The following DACH1 variants were observed in gnomAD, a reference collection of about 807,000 sequenced individuals.
DACH1 encodes dachshund homolog 1.
In DACH1, 12 loss-of-function variants were observed where a neutral mutation model predicts 54.2. The observed-to-expected ratio is 0.22, with a 90% CI of 0.14 to 0.36. DACH1 has a LOEUF of 0.36. Ranked by LOEUF, DACH1 falls within the 10% of genes least tolerant of loss-of-function variation. DACH1 has a pLI of 1.00. For synonymous variants in DACH1, 386 were observed against 366.2 expected (o/e 1.05, Z -0.62); for missense variants, 805 against 929.8 (o/e 0.87, Z 1.75).
rs985075078 is a variant in DACH1, at chr13:71,779,249, A to T, written c.848+86673T>A. 3.8e-4 allele frequency among the ~76,000 whole-genome samples: 26 copies of T among 69,296 alleles called. 1 individual carries two copies. The highest frequency in any genetic ancestry group is 7.2e-4 in the East Asian group (3 of 4,174). The allele number at this position is 69,296 out of a possible 152,430, so 45.5% of individuals were successfully genotyped here. A position where few individuals can be genotyped will look rare whatever the true frequency, so the allele number is the denominator to read the frequency against. ...TACGTATATATACACATATATACGT[A>T]TATACGTATATATGTGTATATATAC... On this transcript the variant is annotated intron_variant, in intron 1 of 10. Transcript: ENST00000613252.
At chr13:71,865,153 C>T (rs1324538369) in intron 1 of DACH1, among the ~76,000 whole-genome samples, 2 of 152,008 alleles carry the variant, frequency 1.3e-5, no homozygotes, top group African/African-American at 4.8e-5. Flanking sequence ...GCCACCGTAC[C>T]CCTTTATTTC....
At chr13:71,644,346 T>G (rs1332203761) in intron 2 of DACH1, among the ~76,000 whole-genome samples, 1 of 152,174 alleles carries the variant, frequency 6.6e-6, no homozygotes, top group Non-Finnish European at 1.5e-5. Flanking sequence ...AAATGAATGG[T>G]CTATGTGTAG....
chr13:71,807,163 G>A (rs1198657749), intron 1 of DACH1, among the ~76,000 whole-genome samples: 1 of 152,084 alleles, frequency 6.6e-6, no homozygotes, highest in Non-Finnish European at 1.5e-5. Context: ...CCTCATATCA[G>A]CACAAGTAAT....
chr13:71,521,770 AG>A (rs1394040792), intron 6 of DACH1, among the ~76,000 whole-genome samples: 1 of 152,102 alleles, frequency 6.6e-6, no homozygotes, highest in Non-Finnish European at 1.5e-5. Context: ...ACCATACTTA[AG>A]CTTCATGGTT....
At chr13:71,577,827 G>A (rs1374851296) in intron 3 of DACH1, among the ~76,000 whole-genome samples, 3 of 152,092 alleles carry the variant, frequency 2.0e-5, no homozygotes, top group Admixed American at 6.6e-5. Flanking sequence ...GATATTCTTA[G>A]TTTCTCTACT....
chr13:71,637,286 T>C (rs1877558889), intron 2 of DACH1, among the ~76,000 whole-genome samples: 1 of 152,136 alleles, frequency 6.6e-6, no homozygotes, highest in Non-Finnish European at 1.5e-5. Flanking sequence ...TGAAATAACG[T>C]GCAACAGCCT....
intron 1 of DACH1, among the ~76,000 whole-genome samples, chr13:71,860,703 G>T (rs1385416378): frequency 9.9e-5 from 15 of 151,832 alleles, no homozygotes; most frequent in Admixed American, 9.8e-4. Context: ...TGCAGTAGTT[G>T]TTTTCTATGT....
At chr13:71,728,288 G>T (rs1288126849) in intron 1 of DACH1, among the ~76,000 whole-genome samples, 1 of 151,882 alleles carries the variant, frequency 6.6e-6, no homozygotes, top group Non-Finnish European at 1.5e-5. Flanking sequence ...CCAAAACTAT[G>T]ATCATATCTC....
rs553853190 is a variant in DACH1, at chr13:71,754,061, A to G, written c.849-72151T>C. Among the ~76,000 whole-genome samples, 3 of 152,312 alleles carry G rather than the reference A, an allele frequency of 2.0e-5. No homozygotes were observed. The East Asian group carries it at 5.8e-4, about 29-fold the overall frequency. On this transcript the variant is annotated intron_variant, in intron 1 of 10. Transcript: ENST00000613252. ...ATGATTATCTTTTTTAATGTACTCT[A>G]TACATCATCCACTGGAGTATTACTT...
At chr13:71,478,753 ATATCT>A (rs1464346559) in intron 8 of DACH1, among the ~76,000 whole-genome samples, 5 of 152,192 alleles carry the variant, frequency 3.3e-5, no homozygotes, top group African/African-American at 1.2e-4. Context: ...CAGTTGATAA[ATATCT>A]TAGTAAACCT....
intron 1 of DACH1, among the ~76,000 whole-genome samples, chr13:71,796,578 T>C (rs1887060644): frequency 6.6e-6 from 1 of 152,116 alleles, no homozygotes; most frequent in South Asian, 2.1e-4. Flanking sequence ...TCCCAAGGCA[T>C]GTTTATGATA....
intron 1 of DACH1, among the ~76,000 whole-genome samples, chr13:71,735,090 T>TAAACATGTATGGG (rs1883959274): frequency 6.6e-6 from 1 of 150,586 alleles, no homozygotes; most frequent in Non-Finnish European, 1.5e-5. Context: ...GTATATGGGT[T>TAAACATGTATGGG]ATACATATAT....
chr13:71,843,032 G>A (rs2138240687), intron 1 of DACH1, among the ~76,000 whole-genome samples: 1 of 152,182 alleles, frequency 6.6e-6, no homozygotes, highest in East Asian at 1.9e-4. Flanking sequence ...TGAAAAATGT[G>A]TATGGCTTCT....
chr13:71,623,515 T>C (rs1876404404), intron 3 of DACH1, among the ~76,000 whole-genome samples: 2 of 151,764 alleles, frequency 1.3e-5, no homozygotes, highest in South Asian at 4.1e-4. Flanking sequence ...TGTCAATACT[T>C]ATCCATCATA....
intron 1 of DACH1, among the ~76,000 whole-genome samples, chr13:71,742,857 C>T (rs1884455890): frequency 1.3e-5 from 2 of 152,238 alleles, no homozygotes; most frequent in Non-Finnish European, 2.9e-5. Context: ...CTTGTTCCTA[C>T]TCAGCATCTC....
intron 3 of DACH1, among the ~76,000 whole-genome samples, chr13:71,593,999 C>G: frequency 6.6e-6 from 1 of 151,136 alleles, no homozygotes; most frequent in Middle Eastern, 7.1e-3. Flanking sequence ...CCTATATTGA[C>G]CATTTTAAAA....
intron 1 of DACH1, among the ~76,000 whole-genome samples, chr13:71,794,497 G>C (rs1293716291): frequency 6.6e-6 from 1 of 152,120 alleles, no homozygotes; most frequent in African/African-American, 2.4e-5. Flanking sequence ...GGAGTGCAAT[G>C]GCGCAATCTC....
At chr13:71,557,454 A>C (rs2138376751) in intron 5 of DACH1, among the ~76,000 whole-genome samples, 1 of 152,278 alleles carries the variant, frequency 6.6e-6, no homozygotes, top group African/African-American at 2.4e-5. Flanking sequence ...AGAATAATAT[A>C]GTAGAAATTG....
chr13:71,848,629 C>T (rs768118179), intron 1 of DACH1, among the ~76,000 whole-genome samples: 3 of 151,856 alleles, frequency 2.0e-5, no homozygotes, highest in Admixed American at 6.6e-5. Context: ...TGCAGAGCCT[C>T]GACCTCCAAG....
Sources: gnomAD v4.1 joint callset for allele counts (sites outside exome capture counted in the v4.1 genomes callset) on GRCh38, gnomAD v4.1.1 for gene constraint, MANE v1.5 for transcripts, NCBI Gene and HGNC (gene_info 2026-07-23, HGNC 2026-07-21) for gene names.